ACMSD: variants seen among roughly 807,000 people sequenced by gnomAD.
The protein encoded by ACMSD is 2-amino-3-carboxymuconate-6-semialdehyde decarboxylase.
In ACMSD, 37 loss-of-function variants were observed where a neutral mutation model predicts 45.9. That is an observed-to-expected ratio of 0.81 (90% confidence interval 0.62 to 1.06). ACMSD has a LOEUF of 1.06. Ranked by LOEUF, ACMSD falls within the 50% of genes least tolerant of loss-of-function variation. The pLI is 0.00. For missense variants in ACMSD, 434 were observed against 420.9 expected, an observed-to-expected ratio of 1.03 and a Z score of -0.27; for synonymous variants, 138 against 148.8, an observed-to-expected ratio of 0.93 and a Z score of 0.53.
At chr2:134,873,652 C>T (rs1688583813) in intron 8 of ACMSD, 1 of 152,196 alleles carries the variant, frequency 6.6e-6, no homozygotes, top group Admixed American at 6.5e-5. Context: ...GACTGTTTCT[C>T]TGGCTTGAGA....
chr2:134,872,381 C>G, intron 7 of ACMSD, 88 bp from the exon 8 acceptor site: 1 of 1,456,484 alleles, frequency 6.9e-7, no homozygotes, highest in South Asian at 1.2e-5. Context: ...AATCAGCTGG[C>G]CTACAGTAAC....
chr2:134,878,971 T>G (rs750054586), intron 8 of ACMSD, among the ~76,000 whole-genome samples: 26 of 152,222 alleles, frequency 1.7e-4, no homozygotes, highest in Non-Finnish European at 3.4e-4. Context: ...AAGCCCTTTT[T>G]GTTTGACTGA....
rs748389325 is a variant in ACMSD at position 134,863,473 on chromosome 2, A to T, written c.328A>T (p.Arg110Trp). 3.2e-5 allele frequency: 52 copies of T among 1,614,070 alleles called. No homozygotes were observed. The highest frequency in any genetic ancestry group is 4.4e-5 in the Non-Finnish European group (52 of 1,180,050). Residue 110 changes from arginine to tryptophan, a missense_variant, in exon 5 of 10, where the codon AGG (arginine) becomes TGG (tryptophan). Physicochemically the swap from Arg to Trp is moderately radical, Grantham distance 101. Transcript: ENST00000356140. ...CAGCACCGTTGTGAGCTACCCCAGG[A>T]GGTTCGTGGGTCTGGGGACGTTGCC... ...LASTVVSYPR[R>W]FVGLGTLPMQ...
chr2:134,898,474 A>T, intron 9 of ACMSD, 35 bp downstream of exon 9: 2 of 1,471,998 alleles, frequency 1.4e-6, no homozygotes, highest in Non-Finnish European at 1.8e-6. Context: ...TTTCTTACTG[A>T]CTTTTCCTGC....
rs79888377 is a variant in ACMSD at position 134,838,838 on chromosome 2, T to C, written c.57+99T>C. On this transcript the variant is annotated intron_variant, in intron 1 of 9. Coordinates refer to ENST00000356140, the MANE Select transcript of ACMSD (RefSeq NM_138326.3). ...GAATTAGATGTCTAGTTTATCTGCT[T>C]TGGTGGGGGGCGAGGGGGTTAAATC... 579 of 910,372 alleles carry C rather than the reference T, an allele frequency of 6.4e-4. 5 individuals are homozygous for C. The African/African-American group carries it at 8.7e-3, about 14-fold the overall frequency. 56.4% of individuals were successfully genotyped at this position (910,372 alleles called of 1,614,324 possible). A position where few individuals can be genotyped will look rare whatever the true frequency, so the allele number is the denominator to read the frequency against.
At chr2:134,850,652 GAAT>G (rs978144820) in intron 2 of ACMSD, among the ~76,000 whole-genome samples, 102 of 121,510 alleles carry the variant, frequency 8.4e-4, no homozygotes, top group African/African-American at 2.9e-3. Flanking sequence ...ATGTTTTTAA[GAAT>G]AATTTATTAT....
intron 8 of ACMSD, among the ~76,000 whole-genome samples, chr2:134,880,529 T>C (rs1688981337): frequency 6.6e-6 from 1 of 152,192 alleles, no homozygotes; most frequent in Non-Finnish European, 1.5e-5. Context: ...TTCAACTTTA[T>C]TTAAAAAGGC....
At chr2:134,860,216 T>C (rs1687782612) in intron 3 of ACMSD, among the ~76,000 whole-genome samples, 1 of 152,162 alleles carries the variant, frequency 6.6e-6, no homozygotes. Flanking sequence ...TGAGCCGACA[T>C]TGCACCACCG....
chr2:134,872,857 T>C (rs867281789), intron 8 of ACMSD: 3 of 529,444 alleles, frequency 5.7e-6, no homozygotes, highest in Non-Finnish European at 3.4e-6. Flanking sequence ...GAAACTATTA[T>C]ATATGCCAGA....
chr2:134,880,842 T>C (rs1375091419), intron 8 of ACMSD, among the ~76,000 whole-genome samples: 1 of 152,236 alleles, frequency 6.6e-6, no homozygotes, highest in African/African-American at 2.4e-5. Flanking sequence ...AGGTAATAAT[T>C]GCACAGCACT....
At chr2:134,859,471 G>A (rs966700440) in intron 3 of ACMSD, 114 bp downstream of exon 3, 25 of 963,654 alleles carry the variant, frequency 2.6e-5, no homozygotes, top group South Asian at 1.2e-4. Context: ...TCTCTGCCAG[G>A]ACAGGCTGTT....
At chr2:134,874,073 G>A (rs1688606585) in intron 8 of ACMSD, among the ~76,000 whole-genome samples, 1 of 152,208 alleles carries the variant, frequency 6.6e-6, no homozygotes, top group South Asian at 2.1e-4. Context: ...CCTTCAGCGA[G>A]CACCCAGTGC....
At chr2:134,885,054 G>C (rs970267318) in intron 8 of ACMSD, among the ~76,000 whole-genome samples, 1 of 150,506 alleles carries the variant, frequency 6.6e-6, no homozygotes, top group Non-Finnish European at 1.5e-5. Flanking sequence ...AAATTAGCCA[G>C]GCATGGTGGT....
At chr2:134,860,787 C>T (rs1384465985) in intron 3 of ACMSD, among the ~76,000 whole-genome samples, 2 of 142,458 alleles carry the variant, frequency 1.4e-5, no homozygotes, top group Admixed American at 7.6e-5. Context: ...TAGGAGGCCA[C>T]GTCAGGAGGA....
chr2:134,856,484 C>G (rs1291822582), intron 2 of ACMSD, among the ~76,000 whole-genome samples: 1 of 152,122 alleles, frequency 6.6e-6, no homozygotes, highest in East Asian at 1.9e-4. Context: ...ACAAGGGTTC[C>G]TTTTTCTCCG....
At chr2:134,874,409 G>T (rs1452863428) in intron 8 of ACMSD, among the ~76,000 whole-genome samples, 9 of 152,122 alleles carry the variant, frequency 5.9e-5, no homozygotes, top group Non-Finnish European at 1.5e-5. Context: ...CTTCATTCTA[G>T]TCATATTCAC....
At position 134,859,271 on chromosome 2, in the gene ACMSD, A is replaced by C. The variant is rs755224773; in HGVS notation, c.113A>C (p.Lys38Thr). The change falls in exon 3 of 10, where the codon AAG becomes ACG. Residue 38 changes from lysine (K) to threonine (T), a missense_variant. Transcript: ENST00000356140. ...GGTTTTCTGCCCCAGGGAGAAGCAAAGTTGTTGAAAGATGGGAAAGTCTTC... is the reference window on the plus strand; with the variant it reads ...GGTTTTCTGCCCCAGGGAGAAGCAACGTTGTTGAAAGATGGGAAAGTCTTC... ...QLQHHSKGEA[K>T]LLKDGKVFRV... The C allele has an allele frequency of 1.1e-5, 18 of 1,613,894 alleles. No individual in the cohort carries two copies. The Middle Eastern group carries it at 6.6e-4, about 59-fold the overall frequency.
chr2:134,845,365 A>G, intron 2 of ACMSD, 88 bp downstream of exon 2: 1 of 1,406,176 alleles, frequency 7.1e-7, no homozygotes, highest in South Asian at 1.2e-5. Flanking sequence ...CCTCCAGGGA[A>G]CCCCACTCTT....
chr2:134,872,202 C>T (rs140547654), intron 7 of ACMSD, among the ~76,000 whole-genome samples: 192 of 152,230 alleles, frequency 1.3e-3, no homozygotes, highest in African/African-American at 4.5e-3. Context: ...CATGATCTGC[C>T]ATCCTTGGCC....
Sources: gnomAD v4.1 joint callset for allele counts (sites outside exome capture counted in the v4.1 genomes callset) on GRCh38, gnomAD v4.1.1 for gene constraint, MANE v1.5 for transcripts, NCBI Gene and HGNC (gene_info 2026-07-23, HGNC 2026-07-21) for gene names.